PRKCI: variants seen among roughly 807,000 people sequenced by gnomAD.
PRKCI encodes protein kinase C iota.
PRKCI carries 43 observed loss-of-function variants against 84.0 expected under a neutral mutation model. The ratio of observed to expected loss-of-function variants is 0.51; its 90% confidence interval spans 0.40 to 0.66. The LOEUF (loss-of-function observed/expected upper bound fraction) is 0.66, where lower values mean the gene tolerates loss of function less well. Ranked by LOEUF, PRKCI falls within the 30% of genes least tolerant of loss-of-function variation. The pLI, the probability that PRKCI is intolerant of heterozygous loss-of-function variation, is 0.00. For synonymous variants in PRKCI, 216 were observed against 234.4 expected (o/e 0.92, Z 0.72); for missense variants, 459 against 745.6 (o/e 0.62, Z 4.48).
chr3:170,286,997 C>G (rs1376126630), intron 12 of PRKCI, among the ~76,000 whole-genome samples: 1 of 151,570 alleles, frequency 6.6e-6, no homozygotes, highest in East Asian at 1.9e-4. Flanking sequence ...TAATTTTGTT[C>G]CAGTTAACAA....
chr3:170,228,264 T>C (rs1732686691), intron 1 of PRKCI, among the ~76,000 whole-genome samples: 1 of 151,940 alleles, frequency 6.6e-6, no homozygotes, highest in African/African-American at 2.4e-5. Context: ...CAAATACAGA[T>C]CACAAAGGCA....
chr3:170,237,072 A>C (rs1212887137), intron 2 of PRKCI, among the ~76,000 whole-genome samples: 10 of 152,186 alleles, frequency 6.6e-5, no homozygotes, highest in African/African-American at 2.2e-4. Context: ...GTTTGACATA[A>C]ACCTGTAACA....
chr3:170,248,997 G>A (rs183465392), intron 2 of PRKCI, among the ~76,000 whole-genome samples: 31 of 152,024 alleles, frequency 2.0e-4, no homozygotes, highest in African/African-American at 6.5e-4. Context: ...ACAGGTGCCC[G>A]CCGCCACGCT....
chr3:170,303,721 T>A lies in PRKCI; in HGVS notation c.*594T>A, dbSNP rs1577381061. 1 of 212,808 alleles carries A rather than the reference T, an allele frequency of 4.7e-6. No individual in the cohort carries two copies. The highest frequency in any genetic ancestry group is 2.3e-5 in the African/African-American group (1 of 44,210). The allele number at this position is 212,808 out of a possible 1,614,324, so 13.2% of individuals were successfully genotyped here. On this transcript the variant is annotated 3_prime_UTR_variant, in exon 18 of 18. Transcript: ENST00000295797. Reference sequence around the variant, plus strand: ...CTTAGAATTGGGAAATTCGGCTGGGTGCAGTGACTCAATGCCTGTGATCCC... The same window carrying A: ...CTTAGAATTGGGAAATTCGGCTGGGAGCAGTGACTCAATGCCTGTGATCCC...
chr3:170,270,631 G>A lies in PRKCI; in HGVS notation c.591+70G>A, dbSNP rs1156476519. 4 of 1,470,552 alleles carry A rather than the reference G, an allele frequency of 2.7e-6. No individual in the cohort carries two copies. In the African/African-American group the frequency reaches 4.4e-5, roughly 16 times the overall value. The allele number at this position is 1,470,552 out of a possible 1,614,324, so 91.1% of individuals were successfully genotyped here. A position where few individuals can be genotyped will look rare whatever the true frequency, so the allele number is the denominator to read the frequency against. On this transcript the variant is annotated intron_variant, in intron 6 of 17. Coordinates refer to ENST00000295797, the MANE Select transcript of PRKCI (RefSeq NM_002740.6). ...CTTGATAACACTGCTATAACAGAGTGCTAAAATAGGGAGGTGTTCAGGAAT... is the reference window on the plus strand; with the variant it reads ...CTTGATAACACTGCTATAACAGAGTACTAAAATAGGGAGGTGTTCAGGAAT...
intron 2 of PRKCI, among the ~76,000 whole-genome samples, chr3:170,249,071 A>G (rs1733367995): frequency 1.3e-5 from 2 of 151,930 alleles, no homozygotes; most frequent in South Asian, 4.2e-4. Flanking sequence ...GATGGTCTCG[A>G]TCTCCTGACC....
intron 2 of PRKCI, among the ~76,000 whole-genome samples, chr3:170,252,907 A>G (rs150276541): frequency 2.3e-3 from 357 of 152,022 alleles, no homozygotes; most frequent in African/African-American, 8.2e-3. Flanking sequence ...CTATCATTCT[A>G]CTCTCTATCT....
intron 4 of PRKCI, among the ~76,000 whole-genome samples, chr3:170,264,659 C>T (rs1279431152): frequency 6.6e-6 from 1 of 152,054 alleles, no homozygotes; most frequent in Non-Finnish European, 1.5e-5. Flanking sequence ...TATTAGATCT[C>T]CAATTCCTAG....
At chr3:170,235,566 C>CTTTTTTTTTTTTTTTTTT (rs199938459) in intron 2 of PRKCI, among the ~76,000 whole-genome samples, 3 of 136,240 alleles carry the variant, frequency 2.2e-5, no homozygotes, top group Non-Finnish European at 3.2e-5. Context: ...ATTAACTTGA[C>CTTTTTTTTTTTTTTTTTT]TTTTTTTTTT....
chr3:170,262,832 CT>C lies in PRKCI; in HGVS notation c.314-529del, dbSNP rs748452040. On this transcript the variant is annotated intron_variant, in intron 3 of 17. Transcript: ENST00000295797. ...TTCATAAGAACTTTTTTCTTTCTTT[CT>C]TTTTTTTTTTTTTTTTTAACATCAA... is the stretch of plus-strand genomic sequence containing the variant. Among the ~76,000 whole-genome samples, 1,011 of 132,966 alleles carry C rather than the reference CT, an allele frequency of 7.6e-3. 8 individuals are homozygous for C. Among genetic ancestry groups the C allele is most frequent in the African/African-American group, 0.019 (701 of 36,186 alleles). The allele number at this position is 132,966 out of a possible 152,430, so 87.2% of individuals were successfully genotyped here. A position where few individuals can be genotyped will look rare whatever the true frequency, so the allele number is the denominator to read the frequency against.
chr3:170,270,701 A>G (rs1485654029), intron 6 of PRKCI, 140 bp downstream of exon 6: 1 of 1,086,834 alleles, frequency 9.2e-7, no homozygotes, highest in Non-Finnish European at 1.3e-6. Context: ...GGAATACCTT[A>G]CGTTACTGTT....
chr3:170,249,975 T>C (rs1733396555), intron 2 of PRKCI, among the ~76,000 whole-genome samples: 1 of 152,006 alleles, frequency 6.6e-6, no homozygotes, highest in Non-Finnish European at 1.5e-5. Context: ...AACTTACTTT[T>C]GTAAAAATGC....
At chr3:170,290,084 A>T (rs373217016) in intron 12 of PRKCI, among the ~76,000 whole-genome samples, 12 of 152,076 alleles carry the variant, frequency 7.9e-5, no homozygotes, top group East Asian at 7.7e-4. Flanking sequence ...AAAAAAAAAA[A>T]AAGGAAGGCT....
chr3:170,281,638 G>A (rs1167092629), intron 10 of PRKCI: 1 of 454,230 alleles, frequency 2.2e-6, no homozygotes, highest in African/African-American at 2.0e-5. Flanking sequence ...ATGGTAATGA[G>A]TGGCTCTGGA....
Position 170,286,610 on chromosome 3 carries a change from T to C in PRKCI, c.1203+2014T>C, listed in dbSNP as rs1376036142. 7.9e-5 allele frequency among the ~76,000 whole-genome samples: 12 copies of C among 151,814 alleles called. No individual in the cohort carries two copies. In the East Asian group the frequency reaches 2.3e-3, roughly 29 times the overall value. ...GTGTATATAAATTGTTACAAACCTT[T>C]TGAGAAGCAGTTTGATGGGGGAATT... On this transcript the variant is annotated intron_variant, in intron 12 of 17. Coordinates refer to ENST00000295797, the MANE Select transcript of PRKCI (RefSeq NM_002740.6).
intron 4 of PRKCI, 100 bp from the exon 5 acceptor site, chr3:170,267,815 C>A: frequency 1.5e-6 from 1 of 678,964 alleles, no homozygotes. Context: ...ATTTTTTTTT[C>A]TTGCAGTGAG....
chr3:170,239,997 A>C (rs1299854836), intron 2 of PRKCI, among the ~76,000 whole-genome samples: 1 of 152,128 alleles, frequency 6.6e-6, no homozygotes, highest in Non-Finnish European at 1.5e-5. Context: ...CCCTACAAAA[A>C]AAATTTTTTT....
rs557866093 is a variant in PRKCI, at chr3:170,244,230, G to T, written c.223+8879G>T. Among the ~76,000 whole-genome samples the T allele has an allele frequency of 1.4e-3, 214 of 152,244 alleles. 1 individual carries two copies. Among genetic ancestry groups the T allele is most frequent in the Non-Finnish European group, 2.4e-3 (162 of 68,008 alleles). The stretch of plus-strand genomic sequence containing the variant: ...GGAGGATGGCTTCTGGTTGCCAGAG[G>T]AATCAACCATGTGGTTATCTCTAAG... On this transcript the variant is annotated intron_variant, in intron 2 of 17. Transcript: ENST00000295797.
At chr3:170,228,627 AC>A (rs1192501040) in intron 1 of PRKCI, among the ~76,000 whole-genome samples, 2 of 151,442 alleles carry the variant, frequency 1.3e-5, no homozygotes, top group African/African-American at 4.9e-5. Flanking sequence ...ACACACACAC[AC>A]ACACACACAC....
Sources: allele counts gnomAD v4.1 joint callset (sites outside exome capture counted in the v4.1 genomes callset), GRCh38; gene constraint gnomAD v4.1.1; transcripts MANE v1.5; gene names NCBI Gene and HGNC (gene_info 2026-07-23, HGNC 2026-07-21).